PKIB: variants seen among roughly 807,000 people sequenced by gnomAD.
PKIB encodes the protein cAMP-dependent protein kinase inhibitor beta, also known as PKI-beta.
A neutral mutation model predicts 4.5 loss-of-function variants in PKIB; 2 were observed. That is an observed-to-expected ratio of 0.44 (90% CI 0.18 to 1.39). The LOEUF is 1.39. Among genes scored for constraint, PKIB ranks in the 40% most tolerant of loss-of-function variants. PKIB has a pLI of 0.27. For missense variants in PKIB, 94 were observed against 92.6 expected (o/e 1.02, Z -0.06); for synonymous variants, 38 against 36.0 (o/e 1.06, Z -0.20).
At chr6:122,495,285 C>T (rs1234718879) in intron 2 of PKIB, among the ~76,000 whole-genome samples, 1 of 152,182 alleles carries the variant, frequency 6.6e-6, no homozygotes, top group Non-Finnish European at 1.5e-5. Context: ...GTCTTTACTG[C>T]TGCAGCTGAG....
intron 2 of PKIB, among the ~76,000 whole-genome samples, chr6:122,537,316 CT>C: frequency 6.6e-6 from 1 of 152,054 alleles, no homozygotes; most frequent in African/African-American, 2.4e-5. Context: ...ATCCCTCCCC[CT>C]CCCTGCACCC....
chr6:122,497,861 C>T (rs1776119546), intron 2 of PKIB, among the ~76,000 whole-genome samples: 1 of 152,140 alleles, frequency 6.6e-6, no homozygotes, highest in Admixed American at 6.5e-5. Context: ...ACCAACTGGA[C>T]ACAATAGGCA....
chr6:122,657,285 T>G (rs1776809777), intron 2 of PKIB, among the ~76,000 whole-genome samples: 1 of 152,214 alleles, frequency 6.6e-6, no homozygotes, highest in Non-Finnish European at 1.5e-5. Flanking sequence ...CTAAAATTGC[T>G]ACTCATGGCT....
intron 2 of PKIB, among the ~76,000 whole-genome samples, chr6:122,553,025 T>G (rs1772726213): frequency 6.6e-6 from 1 of 152,172 alleles, no homozygotes; most frequent in Non-Finnish European, 1.5e-5. Context: ...TATCTCCTGT[T>G]ATAGTTAGTA....
chr6:122,699,376 T>TA (rs1412922059), intron 3 of PKIB, among the ~76,000 whole-genome samples: 1 of 152,128 alleles, frequency 6.6e-6, no homozygotes, highest in Non-Finnish European at 1.5e-5. Context: ...CATATTAGCC[T>TA]AATTCATAGT....
chr6:122,535,045 A>C (rs1777363932), intron 2 of PKIB, among the ~76,000 whole-genome samples: 1 of 152,106 alleles, frequency 6.6e-6, no homozygotes, highest in Non-Finnish European at 1.5e-5. Context: ...ATGCATTTTT[A>C]GTGTTGGGGT....
At chr6:122,574,133 C>T (rs560764053) in intron 2 of PKIB, among the ~76,000 whole-genome samples, 33 of 152,238 alleles carry the variant, frequency 2.2e-4, no homozygotes, top group Admixed American at 8.5e-4. Flanking sequence ...AACAATTAGG[C>T]TGAGAATCAA....
rs9385265 is a variant in PKIB, at chr6:122,667,497, A to G, written c.-75-7581A>G. Among the ~76,000 whole-genome samples, 7 of 151,442 alleles carry G rather than the reference A, an allele frequency of 4.6e-5. No individual in the cohort carries two copies. In the East Asian group the frequency reaches 1.4e-3, roughly 30 times the overall value. On this transcript the variant is annotated intron_variant, in intron 2 of 4. Transcript: ENST00000368452. ...GCTTGCAGTGAGCCGAGATGACGCC[A>G]CTGCACTCCAGCCTGGGGGACAAAG...
intron 2 of PKIB, among the ~76,000 whole-genome samples, chr6:122,518,743 A>G (rs1361741566): frequency 6.6e-6 from 1 of 152,204 alleles, no homozygotes; most frequent in Non-Finnish European, 1.5e-5. Flanking sequence ...CTAAGGAGTG[A>G]AGAAGAATTA....
At chr6:122,535,146 C>T (rs185616006) in intron 2 of PKIB, among the ~76,000 whole-genome samples, 122 of 151,698 alleles carry the variant, frequency 8.0e-4, no homozygotes, top group Non-Finnish European at 1.5e-3. Flanking sequence ...AATCAATCTA[C>T]GTCTGCAGAA....
intron 2 of PKIB, chr6:122,585,856 A>T (rs1773832973): frequency 6.6e-6 from 1 of 152,094 alleles, no homozygotes. Flanking sequence ...CTTACGTGTT[A>T]TGTTAATTAT....
At chr6:122,673,867 G>A (rs77492759) in intron 2 of PKIB, among the ~76,000 whole-genome samples, 2 of 152,322 alleles carry the variant, frequency 1.3e-5, no homozygotes, top group East Asian at 3.9e-4. Flanking sequence ...CACAAAGACA[G>A]ATCTATACCA....
chr6:122,572,110 A>T (rs1322585251), intron 2 of PKIB, among the ~76,000 whole-genome samples: 1 of 152,136 alleles, frequency 6.6e-6, no homozygotes, highest in African/African-American at 2.4e-5. Flanking sequence ...AAGGTATTCC[A>T]CTCAAATGGA....
chr6:122,545,414 C>T (rs1022250955), intron 2 of PKIB, among the ~76,000 whole-genome samples: 1 of 151,908 alleles, frequency 6.6e-6, no homozygotes, highest in African/African-American at 2.4e-5. Context: ...TGCATGTTCT[C>T]ACTTACAAGT....
chr6:122,538,249 T>A (rs1479984423), intron 2 of PKIB, among the ~76,000 whole-genome samples: 2 of 152,146 alleles, frequency 1.3e-5, no homozygotes, highest in Non-Finnish European at 2.9e-5. Context: ...ATGAAGTCCT[T>A]GCCCATGCCT....
At chr6:122,704,091 A>G (rs934054127) in intron 3 of PKIB, among the ~76,000 whole-genome samples, 3 of 151,972 alleles carry the variant, frequency 2.0e-5, no homozygotes, top group Non-Finnish European at 2.9e-5. Flanking sequence ...CGGGAGACCC[A>G]CTATTGTCGG....
rs149952793 is a variant in PKIB at position 122,655,350 on chromosome 6, C to T, written c.-75-19728C>T. Among the ~76,000 whole-genome samples the T allele has an allele frequency of 9.2e-5, 14 of 152,176 alleles. No homozygotes were observed. In the East Asian group the frequency reaches 2.7e-3, roughly 29 times the overall value. Reference sequence around the variant, plus strand: ...GTGATGGTTTTAGGAGGTGTGGAACCTTTGTTAGGTGACTAGGCCATGCAA... The same window carrying T: ...GTGATGGTTTTAGGAGGTGTGGAACTTTTGTTAGGTGACTAGGCCATGCAA... On this transcript the variant is annotated intron_variant, in intron 2 of 4. Coordinates refer to ENST00000368452, the MANE Select transcript of PKIB (RefSeq NM_181795.3).
intron 2 of PKIB, among the ~76,000 whole-genome samples, chr6:122,662,116 TG>T (rs1777012836): frequency 6.6e-6 from 1 of 151,994 alleles, no homozygotes; most frequent in African/African-American, 2.4e-5. Context: ...GACATATGAT[TG>T]GCAAGTGTTT....
chr6:122,631,694 A>C (rs1205180895), intron 1 of PKIB, among the ~76,000 whole-genome samples: 1 of 152,216 alleles, frequency 6.6e-6, no homozygotes, highest in Admixed American at 6.5e-5. Flanking sequence ...AGGAAAGGAC[A>C]TGACTCCTCA....
Sources: gnomAD v4.1 joint callset for allele counts (sites outside exome capture counted in the v4.1 genomes callset) on GRCh38, gnomAD v4.1.1 for gene constraint, MANE v1.5 for transcripts, NCBI Gene and HGNC (gene_info 2026-07-23, HGNC 2026-07-21) for gene names.